SOX5: variants seen among roughly 807,000 people sequenced by gnomAD.
SOX5 encodes transcription factor SOX-5.
Under a neutral mutation model 92.0 loss-of-function variants are expected in SOX5, and 9 were observed. The ratio of observed to expected loss-of-function variants is 0.10; its 90% CI spans 0.06 to 0.17. SOX5 has a LOEUF of 0.17. Among genes scored for constraint, SOX5 ranks in the 10% least tolerant of loss-of-function variants. The pLI, the probability that SOX5 is intolerant of heterozygous loss-of-function variation, is 1.00. For synonymous variants in SOX5, 344 were observed against 336.3 expected (o/e 1.02, Z -0.25); for missense variants, 642 against 944.5 (o/e 0.68, Z 4.20).
At chr12:24,137,432 A>G (rs928831568) in intron 4 of SOX5, among the ~76,000 whole-genome samples, 4 of 152,134 alleles carry the variant, frequency 2.6e-5, no homozygotes, top group Non-Finnish European at 4.4e-5. Flanking sequence ...GAAGTTCAAG[A>G]CCAGCCTGAC....
intron 1 of SOX5, among the ~76,000 whole-genome samples, chr12:24,402,596 G>A (rs562777388): frequency 4.6e-5 from 7 of 152,228 alleles, no homozygotes; most frequent in African/African-American, 1.4e-4. Flanking sequence ...CAATTTGGGG[G>A]CCCTTTTAAA....
At chr12:24,042,868 T>C (rs1956652759) in intron 4 of SOX5, among the ~76,000 whole-genome samples, 1 of 152,200 alleles carries the variant, frequency 6.6e-6, no homozygotes, top group African/African-American at 2.4e-5. Context: ...GCATTTGCAA[T>C]TCCTTATTTC....
At chr12:24,049,693 A>G (rs762865473) in intron 4 of SOX5, among the ~76,000 whole-genome samples, 2 of 131,548 alleles carry the variant, frequency 1.5e-5, no homozygotes, top group Non-Finnish European at 3.1e-5. Context: ...GGAGAATCCC[A>G]GAAATACCAG....
intron 1 of SOX5, among the ~76,000 whole-genome samples, chr12:24,491,175 T>C: frequency 6.6e-6 from 1 of 152,094 alleles, no homozygotes; most frequent in Non-Finnish European, 1.5e-5. Context: ...AATGGGAAAA[T>C]TACAGATGAC....
chr12:23,578,918 T>G (rs779230261), intron 9 of SOX5, among the ~76,000 whole-genome samples: 6 of 150,844 alleles, frequency 4.0e-5, no homozygotes, highest in Non-Finnish European at 5.9e-5. Flanking sequence ...TACTTGAATG[T>G]GAAGAGAAGA....
rs571193096 is a variant in SOX5, at chr12:23,685,626, TG to T, written c.811-20063del. ...TTTTTCTAGCTCTAAAAATCCTTTT[TG>T]TCCCCCCCCCCAAAAATCTAATACA... On this transcript the variant is annotated intron_variant, in intron 6 of 14. Transcript: ENST00000451604. Among the ~76,000 whole-genome samples the T allele has an allele frequency of 1.1e-4, 16 of 149,918 alleles. No individual in the cohort carries two copies. In the South Asian group the frequency reaches 3.2e-3, roughly 30 times the overall value.
chr12:24,179,080 C>T (rs1358718285), intron 4 of SOX5, among the ~76,000 whole-genome samples: 4 of 152,204 alleles, frequency 2.6e-5, no homozygotes, highest in Non-Finnish European at 4.4e-5. Context: ...CTTGTTACCT[C>T]TAATTAGATA....
chr12:23,718,436 A>G (rs2092630807), intron 6 of SOX5, among the ~76,000 whole-genome samples: 1 of 152,212 alleles, frequency 6.6e-6, no homozygotes, highest in African/African-American at 2.4e-5. Context: ...GATTGGAAAA[A>G]TGGAATCAAC....
At chr12:24,177,757 AC>A in intron 4 of SOX5, among the ~76,000 whole-genome samples, 1 of 115,226 alleles carries the variant, frequency 8.7e-6, no homozygotes, top group Non-Finnish European at 1.9e-5. Context: ...TCACAGGGTC[AC>A]TAGGCTCTTG....
intron 10 of SOX5, among the ~76,000 whole-genome samples, chr12:23,575,235 A>T (rs974057829): frequency 6.6e-6 from 1 of 152,168 alleles, no homozygotes; most frequent in African/African-American, 2.4e-5. Context: ...AACTGAACAA[A>T]CTTCACATCC....
intron 6 of SOX5, among the ~76,000 whole-genome samples, chr12:23,721,731 G>T (rs2092827742): frequency 6.6e-6 from 1 of 152,128 alleles, no homozygotes; most frequent in South Asian, 2.1e-4. Flanking sequence ...GAAATAATTT[G>T]CAGGATCAAG....
intron 1 of SOX5, among the ~76,000 whole-genome samples, chr12:24,522,126 A>G (rs373180276): frequency 2.2e-4 from 33 of 152,024 alleles, no homozygotes; most frequent in African/African-American, 6.3e-4. Flanking sequence ...AAAAGATCAT[A>G]AGAAACTATT....
intron 6 of SOX5, among the ~76,000 whole-genome samples, chr12:23,670,750 T>C (rs1172198873): frequency 1.3e-5 from 2 of 151,728 alleles, no homozygotes; most frequent in Non-Finnish European, 2.9e-5. Flanking sequence ...GGAAGAAAAC[T>C]GGAACAAGGT....
intron 3 of SOX5, among the ~76,000 whole-genome samples, chr12:24,219,754 C>T (rs766089968): frequency 4.6e-5 from 7 of 152,094 alleles, no homozygotes; most frequent in Non-Finnish European, 1.0e-4. Flanking sequence ...ATGCACATTG[C>T]TTTGAGTTAA....
At chr12:24,299,725 A>G (rs1016916593) in intron 2 of SOX5, among the ~76,000 whole-genome samples, 1 of 152,218 alleles carries the variant, frequency 6.6e-6, no homozygotes, top group African/African-American at 2.4e-5. Context: ...AAATAAAACG[A>G]ATTTATCCCT....
At chr12:23,803,435 A>G (rs575495743) in intron 3 of SOX5, among the ~76,000 whole-genome samples, 1 of 152,110 alleles carries the variant, frequency 6.6e-6, no homozygotes, top group Non-Finnish European at 1.5e-5. Context: ...ATTAATTTTT[A>G]TCCTTCAATA....
At chr12:23,858,085 G>A (rs905950067) in intron 2 of SOX5, among the ~76,000 whole-genome samples, 1 of 151,828 alleles carries the variant, frequency 6.6e-6, no homozygotes, top group Admixed American at 6.6e-5. Flanking sequence ...GTGTGTGTGT[G>A]TGTGTATATG....
intron 4 of SOX5, among the ~76,000 whole-genome samples, chr12:24,198,650 A>G (rs1957233667): frequency 6.6e-6 from 1 of 152,216 alleles, no homozygotes; most frequent in African/African-American, 2.4e-5. Flanking sequence ...CACAGGAAAA[A>G]GAAGAAAACA....
At chr12:23,768,341 C>T (rs1379113426) in intron 3 of SOX5, among the ~76,000 whole-genome samples, 1 of 152,074 alleles carries the variant, frequency 6.6e-6, no homozygotes, top group Admixed American at 6.6e-5. Flanking sequence ...GTTTATACCG[C>T]TGGGAATCTT....
Sources: allele counts gnomAD v4.1 joint callset (sites outside exome capture counted in the v4.1 genomes callset), GRCh38; gene constraint gnomAD v4.1.1; transcripts MANE v1.5; gene names NCBI Gene and HGNC (gene_info 2026-07-23, HGNC 2026-07-21).